DRGX: variants seen among roughly 807,000 people sequenced by gnomAD.
DRGX encodes dorsal root ganglia homeobox protein.
Under a neutral mutation model 28.6 loss-of-function variants are expected in DRGX, and 21 were observed. That is an observed-to-expected ratio of 0.73 (90% confidence interval 0.52 to 1.06). DRGX has a LOEUF of 1.06. DRGX is among the 50% of genes least tolerant of loss of function. The pLI is 0.00. For synonymous variants in DRGX, 136 were observed against 139.1 expected (o/e 0.98, Z 0.16); for missense variants, 354 against 343.9 (o/e 1.03, Z -0.23).
intron 6 of DRGX, among the ~76,000 whole-genome samples, chr10:49,374,280 C>G (rs180793561): frequency 2.6e-4 from 40 of 152,318 alleles, no homozygotes; most frequent in Admixed American, 1.9e-3. Flanking sequence ...TCCAAGATGA[C>G]TAATGGCCTC....
At position 49,366,158 on chromosome 10, in the gene DRGX, G is replaced by T; in HGVS notation, c.750C>A (p.Thr250=). 1 of 1,610,960 alleles carries T rather than the reference G, an allele frequency of 6.2e-7. No homozygotes were observed. The highest frequency in any genetic ancestry group is 8.5e-7 in the Non-Finnish European group (1 of 1,178,200). The change falls in exon 7 of 7, where the codon ACC becomes ACA. Residue 250 remains threonine, a synonymous_variant. Transcript: ENST00000374139. ...PAPPDGSQEK[T]SPTKEQSEAE... The stretch of plus-strand genomic sequence containing the variant: ...CCTCGCTCTGTTCCTTGGTGGGAGA[G>T]GTCTTTTCCTGGCTGCCATCTGGGG...
At chr10:49,368,384 G>A (rs1208397072) in intron 6 of DRGX, among the ~76,000 whole-genome samples, 2 of 152,242 alleles carry the variant, frequency 1.3e-5, no homozygotes, top group Admixed American at 6.5e-5. Context: ...CACGCACAGT[G>A]TGCAAGGGAG....
intron 2 of DRGX, chr10:49,391,908 T>C (rs1164917228): frequency 1.0e-5 from 5 of 497,194 alleles, no homozygotes; most frequent in Admixed American, 8.7e-5. Flanking sequence ...TCTGCACCAA[T>C]AGTGACTGTC....
intron 6 of DRGX, among the ~76,000 whole-genome samples, chr10:49,383,810 C>T (rs1849803168): frequency 6.6e-6 from 1 of 152,244 alleles, no homozygotes; most frequent in African/African-American, 2.4e-5. Context: ...CCCAACCCTG[C>T]TGGCGTCCTG....
Position 49,390,140 on chromosome 10 carries a change from C to T in DRGX, c.227G>A (p.Arg76Lys). 2 of 1,610,404 alleles carry T rather than the reference C, an allele frequency of 1.2e-6. No individual in the cohort carries two copies. The highest frequency in any genetic ancestry group is 1.7e-6 in the Non-Finnish European group (2 of 1,178,424). The change falls in exon 4 of 7, where the codon AGA (arginine) becomes AAA (lysine). Residue 76 changes from arginine (R) to lysine (K), a missense_variant. Arg to Lys is a conservative substitution (Grantham distance 26). Transcript: ENST00000374139. ...ATTAAAAAGAAGGTTTACCTGCACTCTGGCTTCTGTGAGGTTTATTTTCAT... is the reference window on the plus strand; with the variant it reads ...ATTAAAAAGAAGGTTTACCTGCACTTTGGCTTCTGTGAGGTTTATTTTCAT... ...LAMKINLTEA[R>K]VQVWFQNRRA...
chr10:49,388,512 AC>A (rs1849865123), intron 4 of DRGX, among the ~76,000 whole-genome samples: 1 of 152,254 alleles, frequency 6.6e-6, no homozygotes, highest in Non-Finnish European at 1.5e-5. Context: ...CATATCAGCA[AC>A]CATTGAATAA....
rs148481471 is a variant in DRGX, at chr10:49,367,636, A to G, written c.527-1255T>C. Among the ~76,000 whole-genome samples, 364 of 152,202 alleles carry G rather than the reference A, an allele frequency of 2.4e-3. 3 individuals are homozygous for G. Among genetic ancestry groups the G allele is most frequent in the African/African-American group, 8.5e-3 (352 of 41,534 alleles). ...GTCCAAGCCCAGGTCAATCCTTCTC[A>G]CCCACGTGTTGCCTCTTGGCTGCTG... On this transcript the variant is annotated intron_variant, in intron 6 of 6. Transcript: ENST00000374139.
At chr10:49,379,798 T>C (rs2132477054) in intron 6 of DRGX, among the ~76,000 whole-genome samples, 1 of 152,338 alleles carries the variant, frequency 6.6e-6, no homozygotes, top group African/African-American at 2.4e-5. Flanking sequence ...TGCCATTGCA[T>C]GCCTGCACCA....
chr10:49,382,236 C>T (rs1849784082), intron 6 of DRGX, among the ~76,000 whole-genome samples: 1 of 152,202 alleles, frequency 6.6e-6, no homozygotes, highest in South Asian at 2.1e-4. Context: ...AACCTGAGGA[C>T]AGCAGCCTCC....
Position 49,391,186 on chromosome 10 carries a change from C to T in DRGX, c.110G>A (p.Arg37Gln), listed in dbSNP as rs1164050126. 1.5e-5 allele frequency: 25 copies of T among 1,613,120 alleles called. No homozygotes were observed. The highest frequency in any genetic ancestry group is 2.7e-5 in the African/African-American group (2 of 74,890). The change falls in exon 3 of 7, where the codon CGG becomes CAG. Residue 37 changes from arginine (R) to glutamine (Q), a missense_variant. By Grantham distance (43) the Arg-to-Gln change is conservative. Coordinates refer to ENST00000374139, the MANE Select transcript of DRGX (RefSeq NM_001276451.2). Reference protein sequence around the residue: ...GFLRRKQRRNRTTFTLQQLEA... With the variant: ...GFLRRKQRRNQTTFTLQQLEA... ...TACCTGCTGAAGAGTGAACGTCGTC[C>T]GGTTCCGGCGCTGTTTTCTACGCAG...
At chr10:49,388,555 T>C (rs949074144) in intron 4 of DRGX, among the ~76,000 whole-genome samples, 2 of 152,244 alleles carry the variant, frequency 1.3e-5, no homozygotes, top group Admixed American at 1.3e-4. Flanking sequence ...TTTAGGGCAG[T>C]TAAATGCAAA....
intron 6 of DRGX, among the ~76,000 whole-genome samples, chr10:49,380,682 G>A (rs150325246): frequency 1.3e-5 from 2 of 152,294 alleles, no homozygotes; most frequent in East Asian, 3.9e-4. Context: ...ATCCTACAAA[G>A]GATATCTCAT....
At chr10:49,385,884 G>A (rs1849827813) in intron 6 of DRGX, among the ~76,000 whole-genome samples, 1 of 152,104 alleles carries the variant, frequency 6.6e-6, no homozygotes, top group Non-Finnish European at 1.5e-5. Context: ...GAGAAACACT[G>A]GATAAGCCCA....
Position 49,391,234 on chromosome 10 carries a change from G to A in DRGX, c.62C>T (p.Ser21Leu), listed in dbSNP as rs1456815312. Residue 21 changes from serine to leucine, a missense_variant, in exon 3 of 7, where the codon TCG (serine) becomes TTG (leucine). Coordinates refer to ENST00000374139, the MANE Select transcript of DRGX (RefSeq NM_001276451.2). ...CAGAAACCCGTCATCAAAATCCCCC[G>A]AAGAGTGATTGCCAAAGGTTGCAGT... ...EGTATFGNHS[S>L]GDFDDGFLRR... The A allele has an allele frequency of 5.0e-6, 8 of 1,611,364 alleles. No individual in the cohort carries two copies. Among genetic ancestry groups the A allele is most frequent in the African/African-American group, 1.3e-5 (1 of 74,852 alleles).
chr10:49,379,743 C>A (rs187373420), intron 6 of DRGX, among the ~76,000 whole-genome samples: 1 of 152,234 alleles, frequency 6.6e-6, no homozygotes, highest in Non-Finnish European at 1.5e-5. Context: ...TTCAGACACT[C>A]GGTGCAGGAC....
intron 6 of DRGX, among the ~76,000 whole-genome samples, chr10:49,379,097 A>T (rs1451171524): frequency 6.6e-6 from 1 of 152,224 alleles, no homozygotes; most frequent in Non-Finnish European, 1.5e-5. Flanking sequence ...ACTAAGTAAA[A>T]TGCAAATATT....
At chr10:49,388,112 C>T (rs888689473) in intron 4 of DRGX, among the ~76,000 whole-genome samples, 2 of 152,186 alleles carry the variant, frequency 1.3e-5, no homozygotes, top group African/African-American at 4.8e-5. Flanking sequence ...TGAGCACCTT[C>T]TTAGAGGTAG....
intron 6 of DRGX, among the ~76,000 whole-genome samples, chr10:49,368,979 G>C (rs894105544): frequency 6.6e-6 from 1 of 152,224 alleles, no homozygotes; most frequent in Admixed American, 6.5e-5. Flanking sequence ...GGTCAGGCCA[G>C]ATGAGAAAGA....
At position 49,391,269 on chromosome 10, in the gene DRGX, G is replaced by A. The variant is rs763118283; in HGVS notation, c.35-8C>T. On this transcript the variant is annotated splice_polypyrimidine_tract_variant and splice_region_variant and intron_variant, in intron 2 of 6. Transcript: ENST00000374139. ...TGCCAAAGGTTGCAGTGCCTACCAA[G>A]AGCAAACTGATCAACCTGGGCAGGA... The A allele has an allele frequency of 5.6e-6, 9 of 1,606,838 alleles. No individual in the cohort carries two copies. The South Asian group carries it at 7.8e-5, about 14-fold the overall frequency.
Sources: allele counts gnomAD v4.1 joint callset (sites outside exome capture counted in the v4.1 genomes callset), GRCh38; gene constraint gnomAD v4.1.1; transcripts MANE v1.5; gene names NCBI Gene and HGNC (gene_info 2026-07-23, HGNC 2026-07-21).